The following LDLRAD3 variants were observed in gnomAD, a reference collection of about 807,000 sequenced individuals.
LDLRAD3 encodes low density lipoprotein receptor class A domain containing 3.
LDLRAD3 carries 20 observed loss-of-function variants against 29.4 expected under a neutral mutation model. The ratio of observed to expected loss-of-function variants is 0.68; its 90% CI spans 0.48 to 0.99. The LOEUF is 0.99. LDLRAD3 is among the 50% of genes least tolerant of loss of function. LDLRAD3 has a pLI of 0.00. For synonymous variants in LDLRAD3, 157 were observed against 192.7 expected, an observed-to-expected ratio of 0.81 and a Z score of 1.53; for missense variants, 420 against 454.3, an observed-to-expected ratio of 0.92 and a Z score of 0.69.
chr11:36,139,664 C>T (rs137931888), intron 4 of LDLRAD3, among the ~76,000 whole-genome samples: 16 of 152,268 alleles, frequency 1.1e-4, no homozygotes, highest in East Asian at 3.9e-4. Flanking sequence ...CAAACCTGTG[C>T]GCTTCCCCAT....
At chr11:36,036,745 A>T (rs56763765) in intron 2 of LDLRAD3, among the ~76,000 whole-genome samples, 2,793 of 152,244 alleles carry the variant, frequency 0.018, 79 homozygotes, top group African/African-American at 0.064. Context: ...GACTGAATAC[A>T]TAGTAACGTG....
At chr11:36,128,857 A>C (rs1853883071) in intron 4 of LDLRAD3, among the ~76,000 whole-genome samples, 1 of 151,742 alleles carries the variant, frequency 6.6e-6, no homozygotes, top group South Asian at 2.1e-4. Context: ...TCAAGGAAAA[A>C]AAAAAAAAAG....
At chr11:36,114,930 C>T (rs1565232924) in intron 4 of LDLRAD3, among the ~76,000 whole-genome samples, 1 of 152,184 alleles carries the variant, frequency 6.6e-6, no homozygotes, top group Non-Finnish European at 1.5e-5. Context: ...CTTCTGGAAA[C>T]TGGGCCAGCT....
intron 4 of LDLRAD3, among the ~76,000 whole-genome samples, chr11:36,205,331 T>C (rs1280409779): frequency 6.6e-6 from 1 of 152,210 alleles, no homozygotes; most frequent in South Asian, 2.1e-4. Context: ...GTGGCTCTTT[T>C]CGTGCTCCCC....
At chr11:36,156,293 A>G (rs2133332818) in intron 4 of LDLRAD3, among the ~76,000 whole-genome samples, 1 of 152,340 alleles carries the variant, frequency 6.6e-6, no homozygotes, top group South Asian at 2.1e-4. Flanking sequence ...CACGATCCCC[A>G]ACTGAAGAGC....
At chr11:35,989,974 C>T (rs996498703) in intron 1 of LDLRAD3, among the ~76,000 whole-genome samples, 7 of 152,150 alleles carry the variant, frequency 4.6e-5, no homozygotes, top group African/African-American at 9.7e-5. Context: ...TCTACAGACA[C>T]AATGGCAATA....
At chr11:35,965,269 C>T (rs1851325647) in intron 1 of LDLRAD3, among the ~76,000 whole-genome samples, 1 of 152,144 alleles carries the variant, frequency 6.6e-6, no homozygotes, top group African/African-American at 2.4e-5. Flanking sequence ...TGTAATGGCT[C>T]ATCAGAATGA....
intron 1 of LDLRAD3, among the ~76,000 whole-genome samples, chr11:36,027,333 G>A (rs1034534584): frequency 3.3e-5 from 5 of 152,264 alleles, no homozygotes; most frequent in African/African-American, 1.2e-4. Flanking sequence ...TTTCTACTGG[G>A]CTGCTTGTAT....
At chr11:36,217,522 T>C (rs940538174) in intron 4 of LDLRAD3, among the ~76,000 whole-genome samples, 6 of 152,230 alleles carry the variant, frequency 3.9e-5, no homozygotes, top group African/African-American at 1.2e-4. Context: ...TTGGGCAAGT[T>C]CCTTAACCTG....
intron 1 of LDLRAD3, among the ~76,000 whole-genome samples, chr11:35,990,317 G>A (rs1051204939): frequency 3.3e-5 from 5 of 152,124 alleles, no homozygotes; most frequent in African/African-American, 1.2e-4. Context: ...CCATCTGGAG[G>A]CTCTGAGGGA....
At position 35,945,449 on chromosome 11, in the gene LDLRAD3, G is replaced by T. The variant is rs563440181; in HGVS notation, c.46+1305G>T. Among the ~76,000 whole-genome samples the T allele has an allele frequency of 3.9e-4, 60 of 152,262 alleles. No homozygotes were observed. The South Asian group carries it at 0.012, about 32-fold the overall frequency. On this transcript the variant is annotated intron_variant, in intron 1 of 5. Coordinates refer to ENST00000315571, the MANE Select transcript of LDLRAD3 (RefSeq NM_174902.4). ...GCTTATGGGTTTGCTGGGCTTCCAG[G>T]GAGGGACTAGACCTCCTGGTGACTG...
chr11:36,141,396 C>A (rs866429824), intron 4 of LDLRAD3, among the ~76,000 whole-genome samples: 2 of 152,106 alleles, frequency 1.3e-5, no homozygotes, highest in African/African-American at 4.8e-5. Context: ...AAGCAGGGAT[C>A]GAATTTTTAT....
chr11:36,009,365 C>T (rs262405), intron 1 of LDLRAD3, among the ~76,000 whole-genome samples: 152,320 of 152,344 alleles, frequency 1, 76,148 homozygotes, highest in Non-Finnish European at 1. Flanking sequence ...AGGGCTTTGA[C>T]GAACTCCCTT....
chr11:36,207,063 A>G (rs1374371), intron 4 of LDLRAD3, among the ~76,000 whole-genome samples: 53,083 of 151,980 alleles, frequency 0.35, 10,390 homozygotes, highest in African/African-American at 0.53. Flanking sequence ...CTCTGGCTTA[A>G]GATCTCTCAT....
intron 4 of LDLRAD3, 133 bp from the exon 5 acceptor site, chr11:36,226,952 T>C (rs1345202839): frequency 3.6e-5 from 25 of 687,766 alleles, no homozygotes; most frequent in Non-Finnish European, 4.5e-5. Context: ...ATTTGGGCGG[T>C]TTCCACTTTT....
chr11:36,157,534 G>A (rs1024536563), intron 4 of LDLRAD3, among the ~76,000 whole-genome samples: 1 of 152,210 alleles, frequency 6.6e-6, no homozygotes, highest in Non-Finnish European at 1.5e-5. Context: ...GATGAACATT[G>A]GTTAGGCCAG....
At chr11:36,126,808 T>A (rs1853844917) in intron 4 of LDLRAD3, among the ~76,000 whole-genome samples, 1 of 152,230 alleles carries the variant, frequency 6.6e-6, no homozygotes, top group Non-Finnish European at 1.5e-5. Context: ...GGAGTTATAA[T>A]CTGCAGAGAA....
chr11:35,945,152 G>A (rs1474084370), intron 1 of LDLRAD3, among the ~76,000 whole-genome samples: 1 of 152,226 alleles, frequency 6.6e-6, no homozygotes, highest in East Asian at 1.9e-4. Flanking sequence ...TGCCTGCCTG[G>A]TGTTTGTGCC....
At chr11:35,978,639 A>G (rs1590701113) in intron 1 of LDLRAD3, among the ~76,000 whole-genome samples, 1 of 152,152 alleles carries the variant, frequency 6.6e-6, no homozygotes, top group African/African-American at 2.4e-5. Flanking sequence ...TCTTAGCCTC[A>G]TGGTCTCTCC....
Sources: allele counts gnomAD v4.1 joint callset (sites outside exome capture counted in the v4.1 genomes callset), GRCh38; gene constraint gnomAD v4.1.1; transcripts MANE v1.5; gene names NCBI Gene and HGNC (gene_info 2026-07-23, HGNC 2026-07-21).